PICALM: variants seen among roughly 807,000 people sequenced by gnomAD.
PICALM encodes phosphatidylinositol binding clathrin assembly protein.
Under a neutral mutation model 80.5 loss-of-function variants are expected in PICALM, and 40 were observed. The observed-to-expected ratio is 0.50, with a 90% confidence interval of 0.39 to 0.65. The LOEUF is 0.65. PICALM is among the 30% of genes least tolerant of loss of function. The probability of loss-of-function intolerance (pLI) is 0.00; values close to 1 mark genes in which losing one functional copy is unlikely to be tolerated. For synonymous variants in PICALM, 288 were observed against 260.3 expected, an observed-to-expected ratio of 1.11 and a Z score of -1.02; for missense variants, 676 against 778.9, an observed-to-expected ratio of 0.87 and a Z score of 1.57.
intron 1 of PICALM, among the ~76,000 whole-genome samples, chr11:86,035,966 GAA>G (rs1302550035): frequency 7.3e-5 from 9 of 122,720 alleles, no homozygotes; most frequent in Admixed American, 7.2e-4. Flanking sequence ...AAAAAAAAAA[GAA>G]AAAAAAAGAA....
At chr11:86,067,093 G>A (rs760354857) in intron 1 of PICALM, among the ~76,000 whole-genome samples, 2 of 152,272 alleles carry the variant, frequency 1.3e-5, no homozygotes, top group African/African-American at 2.4e-5. Context: ...CAATCACAAA[G>A]AATAATAGGC....
At chr11:86,020,614 T>G (rs929497323) in intron 4 of PICALM, among the ~76,000 whole-genome samples, 2 of 152,188 alleles carry the variant, frequency 1.3e-5, no homozygotes, top group African/African-American at 2.4e-5. Context: ...AACAAGGTAC[T>G]AAGACTATCC....
chr11:86,006,344 G>A, intron 8 of PICALM, among the ~76,000 whole-genome samples: 1 of 152,114 alleles, frequency 6.6e-6, no homozygotes, highest in East Asian at 1.9e-4. Context: ...CTGTTAACAA[G>A]GCGTTTAAAA....
intron 1 of PICALM, among the ~76,000 whole-genome samples, chr11:86,050,987 T>C (rs932553737): frequency 6.6e-6 from 1 of 152,218 alleles, no homozygotes; most frequent in Non-Finnish European, 1.5e-5. Flanking sequence ...CACACCCAGC[T>C]GAAAATTCAC....
At chr11:86,060,048 G>T (rs1043683376) in intron 1 of PICALM, among the ~76,000 whole-genome samples, 1 of 152,152 alleles carries the variant, frequency 6.6e-6, no homozygotes, top group East Asian at 1.9e-4. Flanking sequence ...TGGACATAGG[G>T]ATTATGATAC....
At chr11:86,066,471 T>TC (rs2096449757) in intron 1 of PICALM, among the ~76,000 whole-genome samples, 1 of 152,132 alleles carries the variant, frequency 6.6e-6, no homozygotes, top group Non-Finnish European at 1.5e-5. Flanking sequence ...AAGATTATCC[T>TC]CCAAACCTAA....
rs1275070092 is a variant in PICALM at position 86,068,582 on chromosome 11, G to A, written c.130+69C>T. 4.1e-6 allele frequency: 6 copies of A among 1,460,312 alleles called. No individual in the cohort carries two copies. In the African/African-American group the frequency reaches 4.2e-5, roughly 10 times the overall value. 90.5% of individuals were successfully genotyped at this position (1,460,312 alleles called of 1,614,324 possible). On this transcript the variant is annotated intron_variant, in intron 1 of 19. Coordinates refer to ENST00000393346, the MANE Select transcript of PICALM (RefSeq NM_007166.4). Reference sequence around the variant, plus strand: ...GGCAGTAGAAGGGTGAAAGACAAGAGAGAGAGAGAAGGACGCGCGCGGGTC... The same window carrying A: ...GGCAGTAGAAGGGTGAAAGACAAGAAAGAGAGAGAAGGACGCGCGCGGGTC...
chr11:85,999,005 G>T (rs1252971489), intron 11 of PICALM, among the ~76,000 whole-genome samples: 1 of 152,046 alleles, frequency 6.6e-6, no homozygotes, highest in Non-Finnish European at 1.5e-5. Flanking sequence ...ATATTTATGG[G>T]ATACATATGA....
chr11:86,006,846 A>T (rs1260477376), intron 8 of PICALM, among the ~76,000 whole-genome samples: 1 of 152,128 alleles, frequency 6.6e-6, no homozygotes, highest in Admixed American at 6.6e-5. Context: ...AAATTTTTTG[A>T]TGATGATGAT....
At chr11:86,027,396 A>G (rs2095665524) in intron 2 of PICALM, among the ~76,000 whole-genome samples, 1 of 152,124 alleles carries the variant, frequency 6.6e-6, no homozygotes, top group Non-Finnish European at 1.5e-5. Context: ...AATGCCTTTC[A>G]ACTTCGCTTC....
intron 7 of PICALM, among the ~76,000 whole-genome samples, chr11:86,009,947 A>C (rs970068518): frequency 6.6e-6 from 1 of 152,230 alleles, no homozygotes; most frequent in Non-Finnish European, 1.5e-5. Flanking sequence ...CTAATAACAA[A>C]GCTATTGTTG....
At chr11:85,981,606 C>CAAAAAA in intron 16 of PICALM, 139 bp downstream of exon 16, 1 of 543,230 alleles carries the variant, frequency 1.8e-6, no homozygotes, top group Non-Finnish European at 3.1e-6. Context: ...GACTCCGTGT[C>CAAAAAA]AAAAAAAAAA....
chr11:85,982,351 T>C (rs1419026821), intron 14 of PICALM, among the ~76,000 whole-genome samples: 1 of 150,120 alleles, frequency 6.7e-6, no homozygotes, highest in Non-Finnish European at 1.5e-5. Flanking sequence ...TCTAAAGCAA[T>C]ATAGGTTAAA....
In PICALM at chr11:86,000,492, G is replaced by T. The variant is rs897660070; in HGVS notation, c.1154+151C>A. 5.3e-6 allele frequency: 3 copies of T among 569,648 alleles called. No homozygotes were observed. In the African/African-American group the frequency reaches 5.6e-5, roughly 11 times the overall value. 35.3% of individuals were successfully genotyped at this position (569,648 alleles called of 1,614,324 possible). A position where few individuals can be genotyped will look rare whatever the true frequency, so the allele number is the denominator to read the frequency against. ...TATAAACTCATCACTTTATCTTTAGGTATTATACCAATATCACCATTTATC... is the reference window on the plus strand; with the variant it reads ...TATAAACTCATCACTTTATCTTTAGTTATTATACCAATATCACCATTTATC... On this transcript the variant is annotated intron_variant, in intron 11 of 19. Coordinates refer to ENST00000393346, the MANE Select transcript of PICALM (RefSeq NM_007166.4).
chr11:86,032,130 T>C (rs765718992), intron 1 of PICALM, among the ~76,000 whole-genome samples: 3 of 152,166 alleles, frequency 2.0e-5, no homozygotes, highest in Non-Finnish European at 4.4e-5. Context: ...AGAGATCTGG[T>C]CTGTAATTGA....
At chr11:86,025,641 C>T (rs1328379026) in intron 3 of PICALM, among the ~76,000 whole-genome samples, 1 of 151,862 alleles carries the variant, frequency 6.6e-6, no homozygotes, top group Non-Finnish European at 1.5e-5. Context: ...TCACTGCAAC[C>T]TTCGCCTCCT....
At chr11:86,030,751 C>G (rs181445708) in intron 2 of PICALM, among the ~76,000 whole-genome samples, 53 of 152,286 alleles carry the variant, frequency 3.5e-4, no homozygotes, top group African/African-American at 1.2e-3. Context: ...TCAGCAAATG[C>G]CATCTTAGTC....
At chr11:85,968,060 G>A (rs1040027681) in intron 19 of PICALM, among the ~76,000 whole-genome samples, 1 of 152,200 alleles carries the variant, frequency 6.6e-6, no homozygotes, top group African/African-American at 2.4e-5. Context: ...TTGGCCAGGA[G>A]CAGTGGCTCA....
intron 19 of PICALM, among the ~76,000 whole-genome samples, chr11:85,969,448 A>G (rs1421348534): frequency 6.6e-6 from 1 of 152,188 alleles, no homozygotes; most frequent in African/African-American, 2.4e-5. Flanking sequence ...TTAAACTACC[A>G]TTTACTTTAC....
Sources: allele counts gnomAD v4.1 joint callset (sites outside exome capture counted in the v4.1 genomes callset), GRCh38; gene constraint gnomAD v4.1.1; transcripts MANE v1.5; gene names NCBI Gene and HGNC (gene_info 2026-07-23, HGNC 2026-07-21).